HYKK: variants seen among roughly 807,000 people sequenced by gnomAD.
HYKK encodes 5-hydroxy-L-lysine kinase.
In HYKK, 19 loss-of-function variants were observed where a neutral mutation model predicts 29.7. That is an observed-to-expected ratio of 0.64 (90% CI 0.45 to 0.94). HYKK has a LOEUF of 0.94. Ranked by LOEUF, HYKK falls within the 40% of genes least tolerant of loss-of-function variation. The probability of loss-of-function intolerance (pLI) is 0.00; values close to 1 mark genes in which losing one functional copy is unlikely to be tolerated. For missense variants in HYKK, 390 were observed against 443.4 expected, an observed-to-expected ratio of 0.88 and a Z score of 1.08; for synonymous variants, 152 against 158.1, an observed-to-expected ratio of 0.96 and a Z score of 0.29.
chr15:78,512,748 T>A (rs2141353128), intron 1 of HYKK, among the ~76,000 whole-genome samples: 1 of 152,268 alleles, frequency 6.6e-6, no homozygotes, highest in South Asian at 2.1e-4. Flanking sequence ...TTTGGGCAAG[T>A]CACTTAACCT....
intron 3 of HYKK, among the ~76,000 whole-genome samples, chr15:78,515,530 C>T (rs28437878): frequency 0.26 from 38,760 of 151,362 alleles, 5,674 homozygotes; most frequent in Admixed American, 0.46. Flanking sequence ...TGCAGTGAGC[C>T]GAGATCACAC....
At position 78,533,413 on chromosome 15, in the gene HYKK, G is replaced by T. The variant is rs909469879; in HGVS notation, c.865G>T (p.Ala289Ser). The change falls in exon 5 of 5, where the codon GCA becomes TCA. Residue 289 changes from alanine (A) to serine (S), a missense_variant. Transcript: ENST00000388988. ...TATACAAGTAGGAGGCCATGTCCTT[G>T]CAGGGTTTGAAAGCATCACCCCACT... is the stretch of plus-strand genomic sequence containing the variant. ...SPIQVGGHVL[A>S]GFESITPLTA... 1 of 1,614,208 alleles carries T rather than the reference G, an allele frequency of 6.2e-7. No homozygotes were observed.
At chr15:78,517,109 C>CTTTCTTTCT (rs1567017531) in intron 3 of HYKK, among the ~76,000 whole-genome samples, 2 of 108,404 alleles carry the variant, frequency 1.8e-5, no homozygotes, top group African/African-American at 6.5e-5. Flanking sequence ...TTCTTTCTTT[C>CTTTCTTTCT]TTTTTTTTTT....
chr15:78,526,355 G>T (rs1371922437), intron 3 of HYKK, among the ~76,000 whole-genome samples: 1 of 152,174 alleles, frequency 6.6e-6, no homozygotes, highest in Non-Finnish European at 1.5e-5. Flanking sequence ...TATGACAAAT[G>T]TTAGCAATAA....
chr15:78,515,589 T>C (rs919766333), intron 3 of HYKK, among the ~76,000 whole-genome samples: 3 of 1,034 alleles, frequency 2.9e-3, no homozygotes, highest in Non-Finnish European at 0.017. Flanking sequence ...CCAAAGAAAT[T>C]TTTTTTTTTT....
intron 3 of HYKK, among the ~76,000 whole-genome samples, chr15:78,520,871 A>ACC (rs1203463791): frequency 1.4e-5 from 2 of 140,370 alleles, no homozygotes; most frequent in Non-Finnish European, 3.1e-5. Flanking sequence ...CGGGGGGCTG[A>ACC]CCCCCCCACC....
intron 3 of HYKK, among the ~76,000 whole-genome samples, chr15:78,520,220 C>CTTTATTTA (rs3053621): frequency 0.011 from 1,609 of 150,680 alleles, 17 homozygotes; most frequent in East Asian, 0.044. Context: ...GAGCTGAGTT[C>CTTTATTTA]TTTATTTATT....
At chr15:78,532,413 T>C (rs1251163253) in intron 4 of HYKK, among the ~76,000 whole-genome samples, 1 of 152,216 alleles carries the variant, frequency 6.6e-6, no homozygotes, top group Non-Finnish European at 1.5e-5. Flanking sequence ...CCACTTTGAA[T>C]AGTACTGACT....
At chr15:78,530,243 C>A (rs2052298354) in intron 4 of HYKK, among the ~76,000 whole-genome samples, 1 of 149,988 alleles carries the variant, frequency 6.7e-6, no homozygotes, top group Non-Finnish European at 1.5e-5. Flanking sequence ...TTCTGTCACC[C>A]AGGCTGGAGT....
intron 3 of HYKK, among the ~76,000 whole-genome samples, chr15:78,519,313 G>A (rs973439404): frequency 6.6e-6 from 1 of 152,148 alleles, no homozygotes; most frequent in Admixed American, 6.5e-5. Flanking sequence ...AAACATTTCC[G>A]TCAAAATAGT....
chr15:78,521,514 A>C (rs1013733442), intron 3 of HYKK, among the ~76,000 whole-genome samples: 1 of 151,958 alleles, frequency 6.6e-6, no homozygotes, highest in African/African-American at 2.4e-5. Flanking sequence ...CACCAACCTA[A>C]TAACAAGAGG....
At chr15:78,510,075 TTTTTCTTTCTTTC>T (rs1216095101) in intron 1 of HYKK, among the ~76,000 whole-genome samples, 1 of 151,956 alleles carries the variant, frequency 6.6e-6, no homozygotes, top group African/African-American at 2.4e-5. Flanking sequence ...CTTCTCTTTT[TTTTTCTTTCTTTC>T]TTTTCTTTCT....
At chr15:78,523,181 G>A (rs12900783) in intron 3 of HYKK, among the ~76,000 whole-genome samples, 47,697 of 152,042 alleles carry the variant, frequency 0.31, 8,526 homozygotes, top group Non-Finnish European at 0.42. Context: ...TTTAATTGGC[G>A]CATGCTTCTG....
chr15:78,530,135 G>A (rs2052296472), intron 4 of HYKK, among the ~76,000 whole-genome samples: 1 of 151,284 alleles, frequency 6.6e-6, no homozygotes, highest in South Asian at 2.1e-4. Context: ...CCAGGCCCCT[G>A]TTATTTTTTT....
intron 1 of HYKK, among the ~76,000 whole-genome samples, chr15:78,509,797 A>G (rs574036106): frequency 1.2e-4 from 19 of 152,242 alleles, no homozygotes; most frequent in Non-Finnish European, 2.5e-4. Context: ...TTGAAACTCC[A>G]TTTAGGCTTT....
Position 78,533,205 on chromosome 15 carries a change from T to C in HYKK, c.662-5T>C. ...ACTGTTTTTACATGATTTTTCTACTTTCAGGTATCAATCACGGAGATCTTA... is the reference window on the plus strand; with the variant it reads ...ACTGTTTTTACATGATTTTTCTACTCTCAGGTATCAATCACGGAGATCTTA... On this transcript the variant is annotated splice_polypyrimidine_tract_variant and splice_region_variant and intron_variant, in intron 4 of 4. Coordinates refer to ENST00000388988, the MANE Select transcript of HYKK (RefSeq NM_001013619.4). 6.5e-7 allele frequency: 1 copy of C among 1,548,722 alleles called. No homozygotes were observed. Among genetic ancestry groups the C allele is most frequent in the South Asian group, 1.1e-5 (1 of 87,498 alleles).
chr15:78,519,552 G>A (rs1021417557), intron 3 of HYKK, among the ~76,000 whole-genome samples: 63 of 152,134 alleles, frequency 4.1e-4, no homozygotes, highest in Admixed American at 1.3e-4. Context: ...TTGGGGTCAG[G>A]AGTTTCAGAC....
chr15:78,525,188 C>T (rs2052237835), intron 3 of HYKK, among the ~76,000 whole-genome samples: 1 of 152,002 alleles, frequency 6.6e-6, no homozygotes, highest in Admixed American at 6.6e-5. Flanking sequence ...TGGAGTCTCG[C>T]TCTGTCGCCC....
At chr15:78,522,192 T>C (rs1312196627) in intron 3 of HYKK, among the ~76,000 whole-genome samples, 1 of 152,102 alleles carries the variant, frequency 6.6e-6, no homozygotes, top group East Asian at 1.9e-4. Context: ...AATGAAGATT[T>C]TTTCTCACCA....
Sources: gnomAD v4.1 joint callset for allele counts (sites outside exome capture counted in the v4.1 genomes callset) on GRCh38, gnomAD v4.1.1 for gene constraint, MANE v1.5 for transcripts, NCBI Gene and HGNC (gene_info 2026-07-23, HGNC 2026-07-21) for gene names.